Variants in ANK1 observed in about 807,000 individuals in gnomAD.
ANK1 encodes ankyrin-1.
Under a neutral mutation model 210.4 loss-of-function variants are expected in ANK1, and 51 were observed. The observed-to-expected ratio is 0.24, with a 90% CI of 0.19 to 0.31. The LOEUF (loss-of-function observed/expected upper bound fraction) is 0.31. ANK1 is among the 10% of genes least tolerant of loss of function. The pLI, the probability that ANK1 is intolerant of heterozygous loss-of-function variation, is 1.00. For missense variants in ANK1, 2,051 were observed against 2,504.4 expected (o/e 0.82, Z 3.86); for synonymous variants, 967 against 1,025.9 (o/e 0.94, Z 1.10).
intron 1 of ANK1, among the ~76,000 whole-genome samples, chr8:41,848,079 G>GGA (rs1051970227): frequency 6.6e-6 from 1 of 151,946 alleles, no homozygotes; most frequent in Non-Finnish European, 1.5e-5. Context: ...CAGCTACTTG[G>GGA]GAGGCTGAGG....
chr8:41,660,258 C>T (rs1272243104), intron 42 of ANK1, among the ~76,000 whole-genome samples: 1 of 152,140 alleles, frequency 6.6e-6, no homozygotes, highest in East Asian at 2.0e-4. Context: ...TTGGGAAGCC[C>T]AGAGTCAGCA....
chr8:41,681,960 G>A (rs1816196755), intron 37 of ANK1, among the ~76,000 whole-genome samples: 1 of 152,214 alleles, frequency 6.6e-6, no homozygotes, highest in South Asian at 2.1e-4. Flanking sequence ...AGGCTGCACA[G>A]AGCAGCCAGG....
At chr8:41,836,600 C>T (rs1807780576) in intron 1 of ANK1, among the ~76,000 whole-genome samples, 1 of 152,194 alleles carries the variant, frequency 6.6e-6, no homozygotes, top group South Asian at 2.1e-4. Flanking sequence ...TCAGCCCGGG[C>T]TAAGGACCAT....
chr8:41,771,083 T>C (rs938358193), intron 1 of ANK1, among the ~76,000 whole-genome samples: 2 of 152,200 alleles, frequency 1.3e-5, no homozygotes, highest in Non-Finnish European at 2.9e-5. Flanking sequence ...AAGAATGATG[T>C]CCCCAACACT....
rs1804883778 is a variant in ANK1 at position 41,653,964 on chromosome 8, T to G, written c.*1826A>C. 1 of 152,010 alleles carries G rather than the reference T, an allele frequency of 6.6e-6. No homozygotes were observed. The highest frequency in any genetic ancestry group is 1.5e-5 in the Non-Finnish European group (1 of 67,954). 9.4% of individuals were successfully genotyped at this position (152,010 alleles called of 1,614,324 possible). On this transcript the variant is annotated 3_prime_UTR_variant, in exon 43 of 43. Transcript: ENST00000289734. ...CCGGGGGTGCACCGGGGCGGATTTG[T>G]GTGGGAAGCAGGGCCCCTCTCCGCT...
At chr8:41,732,055 A>G (rs1289405360) in intron 3 of ANK1, among the ~76,000 whole-genome samples, 1 of 152,274 alleles carries the variant, frequency 6.6e-6, no homozygotes, top group African/African-American at 2.4e-5. Context: ...CATAAGTGCA[A>G]TAAGATCTTT....
At chr8:41,842,984 T>C (rs1475819601) in intron 1 of ANK1, among the ~76,000 whole-genome samples, 1 of 152,012 alleles carries the variant, frequency 6.6e-6, no homozygotes, top group African/African-American at 2.4e-5. Flanking sequence ...GTAGCTGGGA[T>C]TAAAGGTGTG....
At chr8:41,738,475 G>C (rs1833965292) in intron 2 of ANK1, among the ~76,000 whole-genome samples, 1 of 152,224 alleles carries the variant, frequency 6.6e-6, no homozygotes, top group African/African-American at 2.4e-5. Flanking sequence ...AGCTTGTACA[G>C]CTGTCTTATT....
intron 1 of ANK1, among the ~76,000 whole-genome samples, chr8:41,793,897 G>C (rs1554624824): frequency 6.6e-6 from 1 of 152,186 alleles, no homozygotes; most frequent in Non-Finnish European, 1.5e-5. Flanking sequence ...GTGTAAGAGA[G>C]AGGGGGATTA....
intron 1 of ANK1, among the ~76,000 whole-genome samples, chr8:41,776,487 C>T (rs1231250700): frequency 6.6e-6 from 1 of 152,206 alleles, no homozygotes; most frequent in Non-Finnish European, 1.5e-5. Flanking sequence ...TTGCACACTT[C>T]TGAACCAAGA....
At chr8:41,805,085 G>T (rs370727581) in intron 1 of ANK1, among the ~76,000 whole-genome samples, 3 of 140,224 alleles carry the variant, frequency 2.1e-5, no homozygotes, top group African/African-American at 5.3e-5. Context: ...TGTGTGTGTC[G>T]TGTGTGTGTG....
rs899991890 is a variant in ANK1 at position 41,653,877 on chromosome 8, G to A, written c.*1913C>T. On this transcript the variant is annotated 3_prime_UTR_variant, in exon 43 of 43. Transcript: ENST00000289734. ...CCTCTCCCTGCCCGCCCCTCTAAAGGAAGCAAAAGCAGCCCCACCCCCGGC... is the reference window on the plus strand; with the variant it reads ...CCTCTCCCTGCCCGCCCCTCTAAAGAAAGCAAAAGCAGCCCCACCCCCGGC... The A allele has an allele frequency of 6.6e-6, 1 of 152,214 alleles. No individual in the cohort carries two copies. The highest frequency in any genetic ancestry group is 2.4e-5 in the African/African-American group (1 of 41,460). 9.4% of individuals were successfully genotyped at this position (152,214 alleles called of 1,614,324 possible). A position where few individuals can be genotyped will look rare whatever the true frequency, so the allele number is the denominator to read the frequency against.
At chr8:41,806,603 C>T (rs1009657213) in intron 1 of ANK1, among the ~76,000 whole-genome samples, 3 of 152,114 alleles carry the variant, frequency 2.0e-5, no homozygotes, top group Admixed American at 6.5e-5. Flanking sequence ...CCCAGCTATT[C>T]GGGAAACAGG....
intron 1 of ANK1, among the ~76,000 whole-genome samples, chr8:41,825,391 C>G (rs1456763572): frequency 2.6e-5 from 4 of 152,224 alleles, no homozygotes; most frequent in Non-Finnish European, 5.9e-5. Flanking sequence ...CTCTGTCCCC[C>G]CTAGAACTGG....
At chr8:41,692,163 TCTC>T (rs1819451318) in intron 31 of ANK1, among the ~76,000 whole-genome samples, 1 of 152,058 alleles carries the variant, frequency 6.6e-6, no homozygotes, top group Non-Finnish European at 1.5e-5. Flanking sequence ...TTCAAGTGAT[TCTC>T]CTATCTCAGC....
intron 9 of ANK1, among the ~76,000 whole-genome samples, chr8:41,722,246 A>C (rs1466907429): frequency 1.3e-5 from 2 of 152,230 alleles, no homozygotes; most frequent in East Asian, 3.8e-4. Context: ...ACCCTCATGC[A>C]ACAGCACACA....
At chr8:41,703,902 A>C in intron 20 of ANK1, 139 bp downstream of exon 20, 1 of 755,538 alleles carries the variant, frequency 1.3e-6, no homozygotes. Context: ...CAGGGTACCC[A>C]AGGTAGCTGT....
chr8:41,664,694 C>T, intron 39 of ANK1: 1 of 1,128,716 alleles, frequency 8.9e-7, no homozygotes, highest in Non-Finnish European at 1.3e-6. Flanking sequence ...TGGTCCTTTT[C>T]CTCCGGCGTC....
At chr8:41,854,609 T>A (rs949206596) in intron 1 of ANK1, among the ~76,000 whole-genome samples, 1 of 152,126 alleles carries the variant, frequency 6.6e-6, no homozygotes, top group African/African-American at 2.4e-5. Flanking sequence ...GCTCTTGTTT[T>A]AGCCAGCAGC....
Sources: allele counts gnomAD v4.1 joint callset (sites outside exome capture counted in the v4.1 genomes callset), GRCh38; gene constraint gnomAD v4.1.1; transcripts MANE v1.5; gene names NCBI Gene and HGNC (gene_info 2026-07-23, HGNC 2026-07-21).